Variants in FEZ1 observed in about 807,000 individuals in gnomAD.
The protein encoded by FEZ1 is fasciculation and elongation protein zeta-1.
In FEZ1, 20 loss-of-function variants were observed where a neutral mutation model predicts 49.3. The observed-to-expected ratio is 0.41, with a 90% confidence interval of 0.29 to 0.59. The LOEUF is 0.59. Among genes scored for constraint, FEZ1 ranks in the 20% least tolerant of loss-of-function variants. The probability of loss-of-function intolerance (pLI) is 0.36; values close to 1 mark genes in which losing one functional copy is unlikely to be tolerated. For missense variants in FEZ1, 413 were observed against 476.0 expected, an observed-to-expected ratio of 0.87 and a Z score of 1.23; for synonymous variants, 170 against 180.9, an observed-to-expected ratio of 0.94 and a Z score of 0.48.
chr11:125,468,736 G>A (rs1182143528), intron 3 of FEZ1, among the ~76,000 whole-genome samples: 1 of 152,184 alleles, frequency 6.6e-6, no homozygotes, highest in Non-Finnish European at 1.5e-5. Flanking sequence ...GCGAGAGCAG[G>A]CTGCCCAAGG....
At chr11:125,492,282 C>T (rs1050170186) in intron 1 of FEZ1, among the ~76,000 whole-genome samples, 4 of 152,216 alleles carry the variant, frequency 2.6e-5, no homozygotes, top group African/African-American at 4.8e-5. Flanking sequence ...CAAGTAATTG[C>T]CAGTCAGGGG....
rs1484309005 is a variant in FEZ1 at position 125,489,420 on chromosome 11, T to C, written c.311+47A>G. On this transcript the variant is annotated intron_variant, in intron 2 of 9. Coordinates refer to ENST00000278919, the MANE Select transcript of FEZ1 (RefSeq NM_005103.5). The surrounding 1 kb of genome is among the most constrained non-coding windows in gnomAD (Gnocchi z 4.2). The stretch of plus-strand genomic sequence containing the variant: ...AGCACTATGTCAAGGAGACAAGGAC[T>C]ACAGGGCTCTCGACTGAAGCAGGAG... The C allele has an allele frequency of 2.6e-6, 4 of 1,562,546 alleles. No individual in the cohort carries two copies. The highest frequency in any genetic ancestry group is 3.5e-6 in the Non-Finnish European group (4 of 1,157,144).
chr11:125,458,548 T>C (rs1385715906), intron 5 of FEZ1, among the ~76,000 whole-genome samples: 1 of 152,200 alleles, frequency 6.6e-6, no homozygotes, highest in Non-Finnish European at 1.5e-5. Context: ...AGAGGCTTGA[T>C]TCTCCCCGTT....
chr11:125,477,267 G>T (rs967202124), intron 3 of FEZ1, among the ~76,000 whole-genome samples: 2 of 151,990 alleles, frequency 1.3e-5, no homozygotes, highest in East Asian at 3.9e-4. Context: ...GGCCAAGGCA[G>T]GCGGCTCACT....
chr11:125,495,912 C>G lies in FEZ1; in HGVS notation c.-46+209G>C, dbSNP rs1957464783. 1 of 263,470 alleles carries G rather than the reference C, an allele frequency of 3.8e-6. No individual in the cohort carries two copies. The highest frequency in any genetic ancestry group is 3.6e-5 in the South Asian group (1 of 27,774). The allele number at this position is 263,470 out of a possible 1,614,324, so 16.3% of individuals were successfully genotyped here. ...CCCACATCTCCAGGGCCTGGCGCGG[C>G]GTCCCAGCTGCGCTCCCTGAAGGGC... On this transcript the variant is annotated intron_variant, in intron 1 of 9. Coordinates refer to ENST00000278919, the MANE Select transcript of FEZ1 (RefSeq NM_005103.5). The surrounding 1 kb of genome is among the most constrained non-coding windows in gnomAD (Gnocchi z 4.2).
rs1457544452 is a variant in FEZ1 at position 125,489,357 on chromosome 11, A to T, written c.311+110T>A. 6.7e-7 allele frequency: 1 copy of T among 1,489,724 alleles called. No homozygotes were observed. The highest frequency in any genetic ancestry group is 8.9e-7 in the Non-Finnish European group (1 of 1,121,928). The allele number at this position is 1,489,724 out of a possible 1,614,324, so 92.3% of individuals were successfully genotyped here. A position where few individuals can be genotyped will look rare whatever the true frequency, so the allele number is the denominator to read the frequency against. On this transcript the variant is annotated intron_variant, in intron 2 of 9. Transcript: ENST00000278919. The surrounding 1 kb of genome is among the most constrained non-coding windows in gnomAD (Gnocchi z 4.2). ...GGCACTGCTCCGCTGGCAACACGAAAATGAAAGTAATAGCCCATAAACCTA... is the reference window on the plus strand; with the variant it reads ...GGCACTGCTCCGCTGGCAACACGAATATGAAAGTAATAGCCCATAAACCTA...
Position 125,460,514 on chromosome 11 carries a change from G to T in FEZ1, c.651C>A (p.Asn217Lys). Residue 217 changes from asparagine (N) to lysine (K), a missense_variant, in exon 5 of 10, where the codon AAC becomes AAA. Coordinates refer to ENST00000278919, the MANE Select transcript of FEZ1 (RefSeq NM_005103.5). ...GGCCCTCACCTTCATAGGACCAGTT[G>T]TTGTTGAAGGTCTGTGTCAATGCCT... ...EMQALTQTFN[N>K]NWSYEGLRHM... The T allele has an allele frequency of 6.2e-7, 1 of 1,614,038 alleles. No homozygotes were observed. The highest frequency in any genetic ancestry group is 8.5e-7 in the Non-Finnish European group (1 of 1,179,982).
Position 125,489,729 on chromosome 11 carries a change from G to A in FEZ1, c.49C>T (p.Pro17Ser). 1 of 1,593,382 alleles carries A rather than the reference G, an allele frequency of 6.3e-7. No homozygotes were observed. Among genetic ancestry groups the A allele is most frequent in the Non-Finnish European group, 8.5e-7 (1 of 1,169,792 alleles). Residue 17 changes from proline (P) to serine (S), a missense_variant, in exon 2 of 10, where the codon CCC (proline) becomes TCC (serine). By Grantham distance (74) the Pro-to-Ser change is moderately conservative. Transcript: ENST00000278919. This position sits in a 1 kb window ranked among gnomAD's most constrained non-coding sequence, Gnocchi z 4.2. Reference protein sequence around the residue: ...SLDEEFEDLRPSCSEDPEEKP... With the variant: ...SLDEEFEDLRSSCSEDPEEKP... The stretch of plus-strand genomic sequence containing the variant: ...TCCTCCGGGTCCTCCGAGCAGGAGG[G>A]TCGAAGGTCCTCAAACTCTTCATCC...
At chr11:125,456,239 A>G (rs1957010185) in intron 5 of FEZ1, 133 bp from the exon 6 acceptor site, 4 of 851,242 alleles carry the variant, frequency 4.7e-6, no homozygotes, top group Non-Finnish European at 5.2e-6. Context: ...TTAAAGATCC[A>G]AGAAAGACCT....
Position 125,489,253 on chromosome 11 carries a change from C to A in FEZ1, c.311+214G>T. On this transcript the variant is annotated intron_variant, in intron 2 of 9. Coordinates refer to ENST00000278919, the MANE Select transcript of FEZ1 (RefSeq NM_005103.5). The surrounding 1 kb of genome is among the most constrained non-coding windows in gnomAD (Gnocchi z 4.2). ...TTTGTATCTAGGAAAACCTTCATTC[C>A]TCTAAGGTTTCAATTTAAGAAAGTT... 1 of 1,206,632 alleles carries A rather than the reference C, an allele frequency of 8.3e-7. No homozygotes were observed. The highest frequency in any genetic ancestry group is 1.0e-6 in the Non-Finnish European group (1 of 972,334). 74.7% of individuals were successfully genotyped at this position (1,206,632 alleles called of 1,614,324 possible).
In FEZ1 at chr11:125,454,118, G is replaced by C. The variant is rs1273950271; in HGVS notation, c.1020+12C>G. The C allele has an allele frequency of 6.2e-7, 1 of 1,604,844 alleles. No individual in the cohort carries two copies. Among genetic ancestry groups the C allele is most frequent in the East Asian group, 2.2e-5 (1 of 44,748 alleles). ...CTAGGAAGAGAGCTTGGAGCAGGGA[G>C]ACTACGCGTACCTGTTTGTCAGTTC... On this transcript the variant is annotated intron_variant, in intron 7 of 9. Transcript: ENST00000278919.
chr11:125,493,178 A>C (rs1170206194), intron 1 of FEZ1, among the ~76,000 whole-genome samples: 1 of 149,890 alleles, frequency 6.7e-6, no homozygotes, highest in Non-Finnish European at 1.5e-5. Context: ...AATACAAAAA[A>C]AAAAAATTAG....
intron 2 of FEZ1, among the ~76,000 whole-genome samples, chr11:125,484,415 C>T (rs770210219): frequency 1.3e-5 from 2 of 152,222 alleles, no homozygotes; most frequent in Non-Finnish European, 2.9e-5. Flanking sequence ...AATTCCAAGT[C>T]TTTATGAATT....
intron 2 of FEZ1, among the ~76,000 whole-genome samples, chr11:125,485,369 G>A (rs963301111): frequency 2.6e-5 from 4 of 152,070 alleles, no homozygotes; most frequent in Admixed American, 2.6e-4. Context: ...ACTGGGGGGT[G>A]CCAGGACACG....
chr11:125,486,534 C>T (rs932386695), intron 2 of FEZ1, among the ~76,000 whole-genome samples: 1 of 152,214 alleles, frequency 6.6e-6, no homozygotes, highest in Non-Finnish European at 1.5e-5. Context: ...AGCCAACTCC[C>T]CTCTTGGCTA....
chr11:125,484,668 CAA>C (rs113916197), intron 2 of FEZ1, among the ~76,000 whole-genome samples: 5 of 86,152 alleles, frequency 5.8e-5, no homozygotes, highest in Admixed American at 1.4e-4. Context: ...AACTCTGTCT[CAA>C]AAAAAAAAAA....
At chr11:125,450,557 G>A (rs930215975) in intron 8 of FEZ1, among the ~76,000 whole-genome samples, 5 of 152,232 alleles carry the variant, frequency 3.3e-5, no homozygotes, top group African/African-American at 4.8e-5. Flanking sequence ...AGTTCAAAGA[G>A]TAGAAGAGAG....
intron 2 of FEZ1, chr11:125,488,722 G>A (rs576317826): frequency 4.0e-5 from 39 of 984,702 alleles, no homozygotes; most frequent in Middle Eastern, 5.2e-4. Flanking sequence ...CACATCCCCC[G>A]AGGATAGCGG....
intron 5 of FEZ1, among the ~76,000 whole-genome samples, chr11:125,458,418 T>C (rs1464908704): frequency 1.3e-5 from 2 of 152,214 alleles, no homozygotes; most frequent in Admixed American, 6.5e-5. Context: ...TCATAATTAC[T>C]ATAAACCTGT....
Sources: allele counts gnomAD v4.1 joint callset (sites outside exome capture counted in the v4.1 genomes callset), GRCh38; gene constraint gnomAD v4.1.1; non-coding constraint Gnocchi (gnomAD v3.1); transcripts MANE v1.5; gene names NCBI Gene and HGNC (gene_info 2026-07-23, HGNC 2026-07-21).